AUTS2: variants seen among roughly 807,000 people sequenced by gnomAD.
AUTS2 encodes activator of transcription and developmental regulator AUTS2.
A neutral mutation model predicts 112.4 loss-of-function variants in AUTS2; 17 were observed. The observed-to-expected ratio is 0.15, with a 90% CI of 0.10 to 0.23. The LOEUF (loss-of-function observed/expected upper bound fraction) is 0.23, where lower values mean the gene tolerates loss of function less well. AUTS2 is among the 10% of genes least tolerant of loss of function. The pLI, the probability that AUTS2 is intolerant of heterozygous loss-of-function variation, is 1.00. For missense variants in AUTS2, 1,510 were observed against 1,701.6 expected (o/e 0.89, Z 1.98); for synonymous variants, 751 against 702.7 (o/e 1.07, Z -1.09).
At chr7:70,010,866 T>G (rs759180757) in intron 2 of AUTS2, among the ~76,000 whole-genome samples, 30 of 152,130 alleles carry the variant, frequency 2.0e-4, no homozygotes, top group Non-Finnish European at 4.0e-4. Context: ...CATCTGTGGA[T>G]TCTGGATATT....
intron 5 of AUTS2, among the ~76,000 whole-genome samples, chr7:70,485,175 G>A (rs192886166): frequency 8.7e-4 from 132 of 152,184 alleles, no homozygotes; most frequent in African/African-American, 2.6e-3. Context: ...AAGACATGGC[G>A]CACACATATG....
At chr7:70,120,570 C>G (rs550840351) in intron 3 of AUTS2, among the ~76,000 whole-genome samples, 37 of 152,176 alleles carry the variant, frequency 2.4e-4, no homozygotes, top group African/African-American at 8.4e-4. Context: ...CTCATTGACT[C>G]TAGAAATTAT....
At chr7:70,342,194 C>G (rs1791296005) in intron 4 of AUTS2, among the ~76,000 whole-genome samples, 1 of 152,176 alleles carries the variant, frequency 6.6e-6, no homozygotes, top group Non-Finnish European at 1.5e-5. Context: ...GAACTGTTCT[C>G]TAATTTCTAG....
intron 4 of AUTS2, among the ~76,000 whole-genome samples, chr7:70,310,976 A>G (rs1488121971): frequency 6.6e-6 from 1 of 152,166 alleles, no homozygotes; most frequent in African/African-American, 2.4e-5. Context: ...TTTAAAACTG[A>G]AGATCACTAA....
chr7:70,554,393 C>CTTTTTTTTTTTT (rs34757734), intron 5 of AUTS2, among the ~76,000 whole-genome samples: 3 of 116,050 alleles, frequency 2.6e-5, no homozygotes, highest in Non-Finnish European at 5.2e-5. Context: ...TCTTTTCTTT[C>CTTTTTTTTTTTT]TTTTTTTTTT....
At chr7:69,787,747 C>T (rs528228112) in intron 1 of AUTS2, among the ~76,000 whole-genome samples, 3 of 152,062 alleles carry the variant, frequency 2.0e-5, no homozygotes, top group African/African-American at 7.2e-5. Flanking sequence ...TAGTTTCCCC[C>T]AACTTTACTA....
intron 5 of AUTS2, among the ~76,000 whole-genome samples, chr7:70,684,230 C>T (rs761369503): frequency 3.9e-5 from 6 of 151,932 alleles, no homozygotes; most frequent in Non-Finnish European, 5.9e-5. Context: ...TTTCAGGTAA[C>T]GTTTCCAGGA....
chr7:70,245,136 G>A (rs1191502596), intron 4 of AUTS2, among the ~76,000 whole-genome samples: 1,700 of 66,064 alleles, frequency 0.026, 18 homozygotes, highest in South Asian at 0.051. Flanking sequence ...AAAAAAAAGT[G>A]TGTGTGTGTA....
chr7:70,185,292 G>A (rs1584850448), intron 4 of AUTS2, among the ~76,000 whole-genome samples: 1 of 98,580 alleles, frequency 1.0e-5, no homozygotes, highest in Admixed American at 1.1e-4. Flanking sequence ...TTTAAGAAAC[G>A]AGGATCTTCC....
At chr7:70,603,817 G>A (rs866068979) in intron 5 of AUTS2, among the ~76,000 whole-genome samples, 1 of 152,084 alleles carries the variant, frequency 6.6e-6, no homozygotes, top group Non-Finnish European at 1.5e-5. Flanking sequence ...TATGCATTTC[G>A]TGATACCCAG....
chr7:70,457,723 C>A (rs1796802380), intron 5 of AUTS2, among the ~76,000 whole-genome samples: 1 of 152,122 alleles, frequency 6.6e-6, no homozygotes, highest in South Asian at 2.1e-4. Context: ...GGATGTGTCC[C>A]ATACAGAGCC....
chr7:69,620,715 T>C (rs1307358711), intron 1 of AUTS2, among the ~76,000 whole-genome samples: 1 of 152,198 alleles, frequency 6.6e-6, no homozygotes. Context: ...ATTCCTAAAG[T>C]AGATTTTGAC....
At chr7:70,762,775 T>C in intron 6 of AUTS2, 95 bp from the exon 7 acceptor site, 1 of 927,550 alleles carries the variant, frequency 1.1e-6, no homozygotes, top group Non-Finnish European at 1.7e-6. Context: ...GTCCTGTTGC[T>C]GGAGTTGTGT....
At position 69,806,202 on chromosome 7, in the gene AUTS2, T is replaced by A. The variant is rs925663387; in HGVS notation, c.310-93084T>A. ...GCCACCATGCCCAGCCAAGGCTTTT[T>A]TTTTTTTTTTTTTTTTTTTTTTTTT... On this transcript the variant is annotated intron_variant, in intron 1 of 18. Coordinates refer to ENST00000342771, the MANE Select transcript of AUTS2 (RefSeq NM_015570.4). 4.3e-3 allele frequency among the ~76,000 whole-genome samples: 578 copies of A among 134,706 alleles called. 8 individuals carry two copies. Among genetic ancestry groups the A allele is most frequent in the African/African-American group, 0.017 (550 of 33,098 alleles). 88.4% of individuals were successfully genotyped at this position (134,706 alleles called of 152,430 possible).
chr7:69,811,934 G>A (rs1790562400), intron 1 of AUTS2, among the ~76,000 whole-genome samples: 1 of 152,182 alleles, frequency 6.6e-6, no homozygotes, highest in Non-Finnish European at 1.5e-5. Context: ...GGTAAATACT[G>A]CTTGAATCAA....
intron 4 of AUTS2, among the ~76,000 whole-genome samples, chr7:70,378,483 G>A (rs1344818194): frequency 1.3e-5 from 2 of 152,204 alleles, no homozygotes; most frequent in African/African-American, 4.8e-5. Flanking sequence ...TATGTACCAG[G>A]CACTGAGATT....
chr7:70,436,543 A>G (rs1585142665), intron 5 of AUTS2: 2 of 152,130 alleles, frequency 1.3e-5, no homozygotes, highest in East Asian at 3.8e-4. Context: ...AGTTCCTTCC[A>G]TTTTTACTGC....
intron 2 of AUTS2, among the ~76,000 whole-genome samples, chr7:70,115,273 A>G (rs1308046456): frequency 6.6e-6 from 1 of 152,204 alleles, no homozygotes; most frequent in Non-Finnish European, 1.5e-5. Context: ...AAAAGCCTTG[A>G]CACTCTTTAT....
chr7:69,787,527 C>G (rs1388939667), intron 1 of AUTS2, among the ~76,000 whole-genome samples: 1 of 152,102 alleles, frequency 6.6e-6, no homozygotes, highest in Non-Finnish European at 1.5e-5. Context: ...TTTGAATAAC[C>G]TTCACTAGCA....
Sources: gnomAD v4.1 joint callset for allele counts (sites outside exome capture counted in the v4.1 genomes callset) on GRCh38, gnomAD v4.1.1 for gene constraint, MANE v1.5 for transcripts, NCBI Gene and HGNC (gene_info 2026-07-23, HGNC 2026-07-21) for gene names.